Variants in METTL15 observed in about 807,000 individuals in gnomAD.
METTL15 encodes methyltransferase 15, mitochondrial 12S rRNA N4-cytidine.
In METTL15, 34 loss-of-function variants were observed where a neutral mutation model predicts 38.3. The ratio of observed to expected loss-of-function variants is 0.89; its 90% CI spans 0.68 to 1.18. The LOEUF (loss-of-function observed/expected upper bound fraction) is 1.18. Ranked by LOEUF, METTL15 falls within the 50% of genes most tolerant of loss-of-function variation. The pLI is 0.00. For synonymous variants in METTL15, 162 were observed against 170.9 expected, an observed-to-expected ratio of 0.95 and a Z score of 0.41; for missense variants, 438 against 498.4, an observed-to-expected ratio of 0.88 and a Z score of 1.15.
chr11:28,205,392 T>C (rs531523288), intron 3 of METTL15, among the ~76,000 whole-genome samples: 26 of 152,196 alleles, frequency 1.7e-4, no homozygotes, highest in African/African-American at 5.8e-4. Context: ...TTACTGAGAA[T>C]GATAATTTCC....
At chr11:28,194,653 T>A (rs1356805693) in intron 3 of METTL15, among the ~76,000 whole-genome samples, 5 of 152,110 alleles carry the variant, frequency 3.3e-5, no homozygotes, top group Non-Finnish European at 5.9e-5. Context: ...TAAAAGATTA[T>A]TTTATTTTTA....
At chr11:28,236,969 C>T (rs146868877) in intron 4 of METTL15, among the ~76,000 whole-genome samples, 2,915 of 152,238 alleles carry the variant, frequency 0.019, 70 homozygotes, top group South Asian at 0.12. Flanking sequence ...GCTGAGAGAT[C>T]AGCTGTTAGT....
intron 6 of METTL15, among the ~76,000 whole-genome samples, chr11:28,432,622 G>A (rs1445611785): frequency 6.6e-6 from 1 of 152,212 alleles, no homozygotes; most frequent in African/African-American, 2.4e-5. Context: ...TTAGCAGAAG[G>A]ATCTTTCTCT....
At chr11:28,129,468 G>A (rs1232094086) in intron 3 of METTL15, among the ~76,000 whole-genome samples, 1 of 151,084 alleles carries the variant, frequency 6.6e-6, no homozygotes, top group Non-Finnish European at 1.5e-5. Flanking sequence ...GGAGTGCAGT[G>A]GCACGATCTT....
At chr11:28,194,631 AAAAG>A (rs1267311673) in intron 3 of METTL15, among the ~76,000 whole-genome samples, 1 of 152,242 alleles carries the variant, frequency 6.6e-6, no homozygotes, top group East Asian at 1.9e-4. Context: ...TCTTTGTTGA[AAAAG>A]AAAAAAATAA....
At chr11:28,184,869 T>C (rs1159593654) in intron 3 of METTL15, among the ~76,000 whole-genome samples, 1 of 151,470 alleles carries the variant, frequency 6.6e-6, no homozygotes, top group Non-Finnish European at 1.5e-5. Context: ...GTGTGTTGCA[T>C]GAAAGCTATT....
intron 4 of METTL15, among the ~76,000 whole-genome samples, chr11:28,278,904 G>A (rs1590253555): frequency 6.6e-6 from 1 of 152,230 alleles, no homozygotes; most frequent in African/African-American, 2.4e-5. Context: ...TTGGCTCACT[G>A]CAACCTCCGC....
chr11:28,118,097 G>A (rs1426685072), intron 3 of METTL15, among the ~76,000 whole-genome samples: 2 of 152,056 alleles, frequency 1.3e-5, no homozygotes, highest in Admixed American at 6.6e-5. Flanking sequence ...CCACCTCGCA[G>A]GTTCACTCCA....
intron 3 of METTL15, among the ~76,000 whole-genome samples, chr11:28,183,990 G>T (rs2133789317): frequency 6.6e-6 from 1 of 152,134 alleles, no homozygotes; most frequent in Admixed American, 6.6e-5. Flanking sequence ...TCTTGGGAGG[G>T]TGTGTGTGTC....
chr11:28,423,319 T>C (rs929036515), intron 5 of METTL15, among the ~76,000 whole-genome samples: 1 of 152,050 alleles, frequency 6.6e-6, no homozygotes, highest in African/African-American at 2.4e-5. Flanking sequence ...AGAGCTATCA[T>C]GTGATCCATC....
chr11:28,137,392 T>C (rs188864529), intron 3 of METTL15, among the ~76,000 whole-genome samples: 106 of 152,352 alleles, frequency 7.0e-4, no homozygotes, highest in African/African-American at 2.3e-3. Flanking sequence ...ACTTTCTTTA[T>C]GCACCTTGCG....
At chr11:28,180,100 A>T (rs1851228829) in intron 3 of METTL15, among the ~76,000 whole-genome samples, 1 of 151,856 alleles carries the variant, frequency 6.6e-6, no homozygotes, top group Non-Finnish European at 1.5e-5. Flanking sequence ...AATCCTACTC[A>T]GTTGTTAAAC....
At chr11:28,186,917 A>G (rs55950140) in intron 3 of METTL15, among the ~76,000 whole-genome samples, 18 of 151,246 alleles carry the variant, frequency 1.2e-4, no homozygotes, top group Admixed American at 1.1e-3. Context: ...TTTATACTAA[A>G]TCACTGTCAA....
chr11:28,237,646 G>A (rs541745222), intron 4 of METTL15, among the ~76,000 whole-genome samples: 1 of 152,358 alleles, frequency 6.6e-6, no homozygotes. Flanking sequence ...TGCTGGTGAG[G>A]AACTGCGTTC....
intron 6 of METTL15, among the ~76,000 whole-genome samples, chr11:28,522,452 C>G (rs1851772239): frequency 6.6e-6 from 1 of 152,204 alleles, no homozygotes; most frequent in East Asian, 1.9e-4. Flanking sequence ...GGAGGTTAGT[C>G]TTTTGTTCTA....
At chr11:28,391,624 C>T (rs1024196456) in intron 5 of METTL15, among the ~76,000 whole-genome samples, 2 of 152,048 alleles carry the variant, frequency 1.3e-5, no homozygotes, top group African/African-American at 4.8e-5. Context: ...GAGATATAGA[C>T]CAATGGAACA....
intron 5 of METTL15, among the ~76,000 whole-genome samples, chr11:28,409,515 T>C (rs1850707343): frequency 6.6e-6 from 1 of 151,202 alleles, no homozygotes; most frequent in African/African-American, 2.4e-5. Context: ...TTAAGCAACA[T>C]GCTCCTGAAC....
chr11:28,321,557 A>G (rs959057226), intron 6 of METTL15, among the ~76,000 whole-genome samples: 6 of 152,164 alleles, frequency 3.9e-5, no homozygotes, highest in East Asian at 1.9e-4. Flanking sequence ...TGGAAATACT[A>G]TGTTTCCTGG....
At chr11:28,432,071 T>G (rs1850937081) in intron 6 of METTL15, among the ~76,000 whole-genome samples, 1 of 152,172 alleles carries the variant, frequency 6.6e-6, no homozygotes, top group African/African-American at 2.4e-5. Flanking sequence ...CTGCAAAATC[T>G]TCTGTGACTT....
Sources: allele counts gnomAD v4.1 joint callset (sites outside exome capture counted in the v4.1 genomes callset), GRCh38; gene constraint gnomAD v4.1.1; transcripts MANE v1.5; gene names NCBI Gene and HGNC (gene_info 2026-07-23, HGNC 2026-07-21).